Variants in PTPRQ observed in about 807,000 individuals in gnomAD.
The protein encoded by PTPRQ is protein tyrosine phosphatase receptor type Q, also known as phosphatidylinositol phosphatase PTPRQ.
In PTPRQ, 199 loss-of-function variants were observed where a neutral mutation model predicts 246.0. The observed-to-expected ratio is 0.81, with a 90% CI of 0.72 to 0.91. The LOEUF (loss-of-function observed/expected upper bound fraction) is 0.91. PTPRQ is among the 40% of genes least tolerant of loss of function. PTPRQ has a pLI of 0.00. For missense variants in PTPRQ, 2,624 were observed against 2,528.4 expected, an observed-to-expected ratio of 1.04 and a Z score of -0.81; for synonymous variants, 869 against 853.2, an observed-to-expected ratio of 1.02 and a Z score of -0.32.
At chr12:80,649,032 C>T (rs1157497702) in intron 36 of PTPRQ, 109 bp downstream of exon 36, 1 of 1,048,618 alleles carries the variant, frequency 9.5e-7, no homozygotes, top group Non-Finnish European at 1.3e-6. Context: ...GTTGGAAAAA[C>T]CTCCAAGCTG....
intron 17 of PTPRQ, among the ~76,000 whole-genome samples, chr12:80,515,741 T>TA (rs1895274581): frequency 1.2e-5 from 1 of 81,804 alleles, no homozygotes; most frequent in Non-Finnish European, 2.4e-5. Context: ...ACTGAATATT[T>TA]CTTTTTTTTT....
chr12:80,669,517 A>G, intron 41 of PTPRQ, 53 bp downstream of exon 41: 1 of 1,498,130 alleles, frequency 6.7e-7, no homozygotes, highest in African/African-American at 1.4e-5. Flanking sequence ...TGATTGATCT[A>G]AATGTCTAAA....
rs529361794 is a variant in PTPRQ, at chr12:80,585,622, A to G, written c.4286-2507A>G. ...GTCCTTCTTGTTATTCTCCAAATAT[A>G]CCAGGCATGCCTCCAACTATACAGT... On this transcript the variant is annotated intron_variant, in intron 25 of 44. Coordinates refer to ENST00000644991, the MANE Select transcript of PTPRQ (RefSeq NM_001145026.2). 5.1e-4 allele frequency among the ~76,000 whole-genome samples: 78 copies of G among 152,190 alleles called. 1 individual carries two copies. The highest frequency in any genetic ancestry group is 1.8e-3 in the African/African-American group (76 of 41,488).
intron 35 of PTPRQ, among the ~76,000 whole-genome samples, chr12:80,643,097 A>G (rs915446897): frequency 6.6e-6 from 1 of 152,082 alleles, no homozygotes; most frequent in African/African-American, 2.4e-5. Context: ...AGATATGTTG[A>G]GAAGGTAATA....
intron 28 of PTPRQ, among the ~76,000 whole-genome samples, chr12:80,612,481 G>T (rs781770293): frequency 5.1e-4 from 76 of 150,434 alleles, no homozygotes; most frequent in East Asian, 3.9e-4. Flanking sequence ...AGGTATTATT[G>T]TCTATGTACT....
intron 12 of PTPRQ, 33 bp downstream of exon 12, chr12:80,495,404 G>GTTT: frequency 1.3e-6 from 2 of 1,488,628 alleles, no homozygotes; most frequent in Non-Finnish European, 8.9e-7. Flanking sequence ...TGTTGTTGTT[G>GTTT]TTCATTTTAC....
chr12:80,466,992 C>A (rs1031788903), intron 6 of PTPRQ, among the ~76,000 whole-genome samples: 44 of 152,228 alleles, frequency 2.9e-4, no homozygotes, highest in African/African-American at 3.6e-4. Context: ...GCAACAAAAG[C>A]CAAAATTGAC....
intron 26 of PTPRQ, among the ~76,000 whole-genome samples, chr12:80,594,679 T>A (rs377423838): frequency 3.9e-5 from 6 of 152,250 alleles, no homozygotes; most frequent in African/African-American, 1.4e-4. Context: ...ACTAGTTATC[T>A]AGAAATCATT....
chr12:80,660,385 G>C (rs1900589178), intron 39 of PTPRQ, among the ~76,000 whole-genome samples: 1 of 151,980 alleles, frequency 6.6e-6, no homozygotes, highest in African/African-American at 2.4e-5. Flanking sequence ...GGCCATTCTC[G>C]AGAATGGTGC....
chr12:80,453,426 G>T (rs570137914), intron 3 of PTPRQ, among the ~76,000 whole-genome samples: 2 of 152,128 alleles, frequency 1.3e-5, no homozygotes, highest in Non-Finnish European at 2.9e-5. Context: ...CGTTCCTTTG[G>T]AGGAGGAGAG....
At chr12:80,674,475 A>G (rs576404394) in intron 43 of PTPRQ, among the ~76,000 whole-genome samples, 1 of 152,292 alleles carries the variant, frequency 6.6e-6, no homozygotes, top group East Asian at 1.9e-4. Context: ...AACCTGTAAT[A>G]CCATGTCATG....
At chr12:80,504,565 G>A (rs923270311) in intron 14 of PTPRQ, among the ~76,000 whole-genome samples, 2 of 151,646 alleles carry the variant, frequency 1.3e-5, no homozygotes, top group Admixed American at 1.3e-4. Flanking sequence ...ATTTGCTTGT[G>A]TGTTTAGCGA....
At chr12:80,492,129 A>G (rs1473971178) in intron 9 of PTPRQ, among the ~76,000 whole-genome samples, 1 of 151,956 alleles carries the variant, frequency 6.6e-6, no homozygotes, top group Non-Finnish European at 1.5e-5. Flanking sequence ...AAAGAGTCTA[A>G]TAAGCCTCCA....
chr12:80,478,470 C>T (rs369567327), intron 8 of PTPRQ, among the ~76,000 whole-genome samples: 9,942 of 151,956 alleles, frequency 0.065, 818 homozygotes, highest in African/African-American at 0.19. Context: ...AAAAGCAGAG[C>T]GCCTCTCCTC....
chr12:80,479,025 A>C (rs1196465939), intron 8 of PTPRQ, among the ~76,000 whole-genome samples: 1 of 151,932 alleles, frequency 6.6e-6, no homozygotes. Context: ...AATACAGAGA[A>C]CACCACAAAG....
intron 7 of PTPRQ, among the ~76,000 whole-genome samples, chr12:80,469,682 G>A (rs1893563141): frequency 6.6e-6 from 1 of 152,100 alleles, no homozygotes; most frequent in South Asian, 2.1e-4. Context: ...TCATCCCTAA[G>A]TAACTTATGC....
intron 14 of PTPRQ, among the ~76,000 whole-genome samples, chr12:80,498,782 C>G (rs1414300319): frequency 6.6e-6 from 1 of 152,020 alleles, no homozygotes; most frequent in Admixed American, 6.6e-5. Flanking sequence ...GAATGCTTAT[C>G]AAGTATTTCG....
At chr12:80,658,123 C>A in intron 39 of PTPRQ, 62 bp downstream of exon 39, 2 of 1,065,564 alleles carry the variant, frequency 1.9e-6, no homozygotes, top group Non-Finnish European at 2.5e-6. Flanking sequence ...ATTGTATTAT[C>A]TTTCCAATTA....
intron 34 of PTPRQ, 50 bp from the exon 35 acceptor site, chr12:80,634,895 A>G (rs1403731146): frequency 6.5e-7 from 1 of 1,540,920 alleles, no homozygotes; most frequent in Non-Finnish European, 8.8e-7. Context: ...ACCTAATTTT[A>G]TATACTTTGT....
Sources: allele counts gnomAD v4.1 joint callset (sites outside exome capture counted in the v4.1 genomes callset), GRCh38; gene constraint gnomAD v4.1.1; transcripts MANE v1.5; gene names NCBI Gene and HGNC (gene_info 2026-07-23, HGNC 2026-07-21).